The following EOLA2 variants were observed in gnomAD, a reference collection of about 807,000 sequenced individuals.
The protein encoded by EOLA2 is endothelium and lymphocyte associated ASCH domain 2.
A neutral mutation model predicts 4.1 loss-of-function variants in EOLA2; 3 were observed. That is an observed-to-expected ratio of 0.73 (90% CI 0.33 to 1.89). The LOEUF is 1.89. Ranked by LOEUF, EOLA2 falls within the 40% of genes most tolerant of loss-of-function variation. The pLI, the probability that EOLA2 is intolerant of heterozygous loss-of-function variation, is 0.08. For missense variants in EOLA2, 109 were observed against 126.4 expected (o/e 0.86, Z 0.66); for synonymous variants, 52 against 51.7 (o/e 1.01, Z -0.03).
At chrX:149,935,235 A>C in intron 2 of EOLA2, among the ~76,000 whole-genome samples, 2 of 77,322 alleles carry the variant, frequency 2.6e-5, no homozygotes, top group African/African-American at 5.0e-5. Context: ...TGAGCTCCAG[A>C]TCTCCTGCTT....
rs782370513 is a variant in EOLA2, at chrX:149,938,398, C to T, written c.-416G>A. On this transcript the variant is annotated 5_prime_UTR_variant, in exon 1 of 5. Transcript: ENST00000370406. ...GCTGTAAGGTAGCTGCCGCTTACTC[C>T]CGGAAACCGGTGGCCAGTGACAGAT... 8.9e-6 allele frequency: 1 copy of T among 112,975 alleles called. No individual in the cohort carries two copies. The highest frequency in any genetic ancestry group is 1.9e-5 in the Non-Finnish European group (1 of 53,291). The allele number at this position is 112,975 out of a possible 1,213,427, so 9.3% of individuals were successfully genotyped here. A position where few individuals can be genotyped will look rare whatever the true frequency, so the allele number is the denominator to read the frequency against.
At position 149,934,503 on chromosome X, in the gene EOLA2, G is replaced by A. The variant is rs1392964619; in HGVS notation, c.-162-366C>T. ...ACATCTCCTCTCCACCCCTCTGGGTGCCACCTTCCTCAAGCCCCTTCCCCC... is the reference window on the plus strand; with the variant it reads ...ACATCTCCTCTCCACCCCTCTGGGTACCACCTTCCTCAAGCCCCTTCCCCC... On this transcript the variant is annotated intron_variant, in intron 2 of 4. Coordinates refer to ENST00000370406, the MANE Select transcript of EOLA2 (RefSeq NM_001013845.2). 4.4e-5 allele frequency: 33 copies of A among 751,534 alleles called. No homozygotes were observed. In the Admixed American group the frequency reaches 2.6e-3, roughly 59 times the overall value. 61.9% of individuals were successfully genotyped at this position (751,534 alleles called of 1,213,427 possible).
rs782102073 is a variant in EOLA2 at position 149,933,611 on chromosome X, T to C, written c.253+11A>G. 40 of 1,200,205 alleles carry C rather than the reference T, an allele frequency of 3.3e-5. No homozygotes were observed. The highest frequency in any genetic ancestry group is 4.4e-5 in the Admixed American group (2 of 45,657). On this transcript the variant is annotated intron_variant, in intron 4 of 4. Transcript: ENST00000370406. Reference sequence around the variant, plus strand: ...AGGCGTTGTCTGCGCATTTGGTACATTGTCACTTACCCGCTATCACTCCTC... The same window carrying C: ...AGGCGTTGTCTGCGCATTTGGTACACTGTCACTTACCCGCTATCACTCCTC...
intron 2 of EOLA2, among the ~76,000 whole-genome samples, chrX:149,935,865 A>C (rs2090983736): frequency 9.3e-6 from 1 of 107,728 alleles, no homozygotes; most frequent in African/African-American, 3.4e-5. Flanking sequence ...TTTCTTTCCC[A>C]CATCTGCGGC....
chrX:149,934,601 C>G, intron 2 of EOLA2: 9 of 753,575 alleles, frequency 1.2e-5, no homozygotes, highest in Non-Finnish European at 1.4e-5. Context: ...ATAATCAGAA[C>G]AACTGGCAAC....
intron 2 of EOLA2, among the ~76,000 whole-genome samples, chrX:149,934,998 A>T (rs782339247): frequency 2.7e-5 from 3 of 112,095 alleles, no homozygotes; most frequent in African/African-American, 9.7e-5. Flanking sequence ...AACAGTCAGA[A>T]ATAGTGGCCG....
chrX:149,937,935 C>T (rs1432894919), intron 1 of EOLA2, among the ~76,000 whole-genome samples: 1 of 112,812 alleles, frequency 8.9e-6, no homozygotes, highest in African/African-American at 3.2e-5. Context: ...AGCACAGGGG[C>T]CAAGCGGGAG....
chrX:149,933,893 C>A lies in EOLA2; in HGVS notation c.-19G>T. 8.4e-7 allele frequency: 1 copy of A among 1,193,567 alleles called. No homozygotes were observed. On this transcript the variant is annotated 5_prime_UTR_variant, in exon 4 of 5. Transcript: ENST00000370406. ...ACTTCATCTTCGCAAGCGCCCCGGG[C>A]CTCCCGTAGCCTGCGGAAGCACAGA...
At chrX:149,931,043 G>A (rs113755057), downstream of EOLA2, 550 of 936,014 alleles carry the variant, frequency 5.9e-4, 7 homozygotes, top group African/African-American at 0.01. Flanking sequence ...CTGTTACTAC[G>A]CTCTGTTGGC....
At chrX:149,935,658 A>C in intron 2 of EOLA2, among the ~76,000 whole-genome samples, 1 of 101,798 alleles carries the variant, frequency 9.8e-6, no homozygotes, top group Non-Finnish European at 2.0e-5. Context: ...TTCTTCTGGG[A>C]CCCCCATGTT....
chrX:149,932,470 G>A lies in EOLA2; in HGVS notation c.*74C>T, dbSNP rs782307666. ...TTTAACCTAATTTATACAGGTCTGCGTCACGATGGCAAATTGAAGGTGCCA... is the reference window on the plus strand; with the variant it reads ...TTTAACCTAATTTATACAGGTCTGCATCACGATGGCAAATTGAAGGTGCCA... On this transcript the variant is annotated 3_prime_UTR_variant, in exon 5 of 5. Transcript: ENST00000370406. 5.3e-5 allele frequency: 63 copies of A among 1,197,730 alleles called. No homozygotes were observed. In the Middle Eastern group the frequency reaches 9.7e-4, roughly 18 times the overall value.
intron 2 of EOLA2, among the ~76,000 whole-genome samples, chrX:149,937,208 G>A (rs1403338292): frequency 8.9e-6 from 1 of 112,067 alleles, no homozygotes; most frequent in Non-Finnish European, 1.9e-5. Context: ...TACTTCTGAC[G>A]GAGGCTGAAT....
chrX:149,936,157 G>A (rs1299908891), intron 2 of EOLA2, among the ~76,000 whole-genome samples: 1 of 101,966 alleles, frequency 9.8e-6, no homozygotes, highest in Non-Finnish European at 2.0e-5. Context: ...CTTCCTCTCA[G>A]GGCACTCAAG....
intron 3 of EOLA2, 38 bp from the exon 4 acceptor site, chrX:149,933,941 C>T: frequency 8.5e-7 from 1 of 1,175,964 alleles, no homozygotes; most frequent in Non-Finnish European, 1.1e-6. Flanking sequence ...GCCAGCCCTT[C>T]AAGCTCATGG....
At chrX:149,935,848 C>T (rs1296839046) in intron 2 of EOLA2, among the ~76,000 whole-genome samples, 1 of 108,589 alleles carries the variant, frequency 9.2e-6, no homozygotes, top group Non-Finnish European at 1.9e-5. Flanking sequence ...CTGCTCTCTG[C>T]CCTGCCTTTC....
In EOLA2 at chrX:149,933,725, G is replaced by A. The variant is rs1326143348; in HGVS notation, c.150C>T (p.Gly50=). ...CCACCAGCAGCTCCCGACAGGCATC[G>A]CCTTCCCAGTCCCTGTGAGCAATGT... is the stretch of plus-strand genomic sequence containing the variant. ...AVHIAHRDWE[G]DACRELLVER... Residue 50 remains glycine, a synonymous_variant, in exon 4 of 5, where the codon GGC becomes GGT. Coordinates refer to ENST00000370406, the MANE Select transcript of EOLA2 (RefSeq NM_001013845.2). 13 of 1,206,616 alleles carry A rather than the reference G, an allele frequency of 1.1e-5. No homozygotes were observed. Among genetic ancestry groups the A allele is most frequent in the Admixed American group, 2.2e-5 (1 of 45,722 alleles).
At position 149,933,829 on chromosome X, in the gene EOLA2, C is replaced by T. The variant is rs781945234; in HGVS notation, c.46G>A (p.Val16Ile). Residue 16 changes from valine to isoleucine, a missense_variant, in exon 4 of 5, where the codon GTC (valine) becomes ATC (isoleucine). By Grantham distance (29) the Val-to-Ile change is conservative (BLOSUM62 3). Transcript: ENST00000370406. ...LSFRQPYAGF[V>I]LNGIKTVETR... ...TCCACAGTCTTGATTCCATTTAAGA[C>T]AAAGCCAGCATAAGGCTGCCGGAAG... 4 of 1,206,531 alleles carry T rather than the reference C, an allele frequency of 3.3e-6. No homozygotes were observed. In the South Asian group the frequency reaches 7.1e-5, roughly 21 times the overall value.
chrX:149,937,888 C>G (rs1224116631), intron 1 of EOLA2, among the ~76,000 whole-genome samples: 15 of 112,922 alleles, frequency 1.3e-4, no homozygotes, highest in East Asian at 5.6e-4. Context: ...GGCCACAGAG[C>G]TATGCACCGC....
downstream of EOLA2, chrX:149,930,224 G>A (rs1381033361): frequency 2.1e-5 from 23 of 1,083,553 alleles, no homozygotes; most frequent in African/African-American, 1.2e-4. Context: ...GAGCTTAAGT[G>A]TCAAAGATAG....
Sources: gnomAD v4.1 joint callset for allele counts (sites outside exome capture counted in the v4.1 genomes callset) on GRCh38, gnomAD v4.1.1 for gene constraint, MANE v1.5 for transcripts, NCBI Gene and HGNC (gene_info 2026-07-23, HGNC 2026-07-21) for gene names.